LIMK1: variants seen among roughly 807,000 people sequenced by gnomAD.
LIMK1 encodes the protein LIM motif-containing protein kinase.
LIMK1 carries 21 observed loss-of-function variants against 77.6 expected under a neutral mutation model. The observed-to-expected ratio is 0.27, with a 90% CI of 0.19 to 0.39. LIMK1 has a LOEUF of 0.39. Among genes scored for constraint, LIMK1 ranks in the 10% least tolerant of loss-of-function variants. LIMK1 has a pLI of 1.00. For synonymous variants in LIMK1, 358 were observed against 370.0 expected (o/e 0.97, Z 0.37); for missense variants, 696 against 901.6 (o/e 0.77, Z 2.92).
intron 2 of LIMK1, among the ~76,000 whole-genome samples, chr7:74,087,387 G>A (rs1380369200): frequency 6.6e-6 from 1 of 152,074 alleles, no homozygotes; most frequent in Non-Finnish European, 1.5e-5. Flanking sequence ...CTGGGCAATA[G>A]AGCGAGACCC....
chr7:74,113,540 G>T (rs1478493654), intron 12 of LIMK1, among the ~76,000 whole-genome samples: 1 of 151,682 alleles, frequency 6.6e-6, no homozygotes, highest in African/African-American at 2.4e-5. Flanking sequence ...CAGGAGAATT[G>T]CTTGAACCCA....
Position 74,084,057 on chromosome 7 carries a change from G to A in LIMK1, c.55+12G>A. 1 of 1,470,638 alleles carries A rather than the reference G, an allele frequency of 6.8e-7. No homozygotes were observed. The highest frequency in any genetic ancestry group is 9.1e-7 in the Non-Finnish European group (1 of 1,098,022). 91.1% of individuals were successfully genotyped at this position (1,470,638 alleles called of 1,614,324 possible). On this transcript the variant is annotated intron_variant, in intron 1 of 15. Coordinates refer to ENST00000336180, the MANE Select transcript of LIMK1 (RefSeq NM_002314.4). ...TATGGGAGAGGAAGGTGCGCGGGCC[G>A]CGGGGTGTGGGGCGAGGGCCTGGAG...
intron 12 of LIMK1, among the ~76,000 whole-genome samples, chr7:74,112,756 C>T (rs782701040): frequency 1.3e-5 from 2 of 151,774 alleles, no homozygotes; most frequent in Non-Finnish European, 2.9e-5. Flanking sequence ...ACCCGGGAGG[C>T]GGAACTTGCA....
intron 4 of LIMK1, among the ~76,000 whole-genome samples, chr7:74,098,515 G>A (rs193115281): frequency 3.3e-5 from 5 of 152,134 alleles, no homozygotes; most frequent in Admixed American, 6.5e-5. Flanking sequence ...GGCTGGGCAC[G>A]CACAGTTCCT....
chr7:74,092,760 G>T (rs189029470), intron 2 of LIMK1, among the ~76,000 whole-genome samples: 1 of 152,154 alleles, frequency 6.6e-6, no homozygotes, highest in South Asian at 2.1e-4. Context: ...GAGCAGCGGC[G>T]GGATGCAACC....
rs570173862 is a variant in LIMK1, at chr7:74,089,877, C to T, written c.152+4033C>T. 3.9e-5 allele frequency among the ~76,000 whole-genome samples: 6 copies of T among 151,990 alleles called. No individual in the cohort carries two copies. The East Asian group carries it at 9.7e-4, about 25-fold the overall frequency. On this transcript the variant is annotated intron_variant, in intron 2 of 15. Coordinates refer to ENST00000336180, the MANE Select transcript of LIMK1 (RefSeq NM_002314.4). ...AGAACTTTGGGGACCCCTGTGTCTGCGGTGAGGGGGGAGATGGAGCCTTGG... is the reference window on the plus strand; with the variant it reads ...AGAACTTTGGGGACCCCTGTGTCTGTGGTGAGGGGGGAGATGGAGCCTTGG...
intron 9 of LIMK1, among the ~76,000 whole-genome samples, chr7:74,108,594 G>T (rs992768417): frequency 6.6e-6 from 1 of 151,144 alleles, no homozygotes; most frequent in Admixed American, 6.6e-5. Context: ...GTTGCAGTGA[G>T]CCAAGATCGT....
chr7:74,116,551 C>T (rs577015065), intron 13 of LIMK1, among the ~76,000 whole-genome samples: 2 of 152,086 alleles, frequency 1.3e-5, no homozygotes, highest in African/African-American at 2.4e-5. Flanking sequence ...CTCCGGGGCA[C>T]CTGTTTCCTG....
intron 12 of LIMK1, among the ~76,000 whole-genome samples, chr7:74,114,645 G>C (rs936923291): frequency 2.6e-5 from 4 of 151,702 alleles, no homozygotes; most frequent in African/African-American, 9.7e-5. Context: ...GCCAGGCACG[G>C]TGGCTCACGC....
intron 5 of LIMK1, among the ~76,000 whole-genome samples, chr7:74,102,009 A>T (rs1352397887): frequency 6.6e-6 from 1 of 152,148 alleles, no homozygotes; most frequent in African/African-American, 2.4e-5. Context: ...TTTTTTGTAG[A>T]GACTGAGTCT....
At chr7:74,101,087 G>A (rs1799450709) in intron 5 of LIMK1, among the ~76,000 whole-genome samples, 1 of 152,228 alleles carries the variant, frequency 6.6e-6, no homozygotes, top group African/African-American at 2.4e-5. Flanking sequence ...TTGTACACCT[G>A]GCAGGTGCCT....
intron 10 of LIMK1, chr7:74,109,843 C>CA (rs377577275): frequency 3.3e-5 from 5 of 151,088 alleles, no homozygotes; most frequent in Non-Finnish European, 4.4e-5. Context: ...GATTCCTTCT[C>CA]AAAAAAAAAG....
At position 74,115,587 on chromosome 7, in the gene LIMK1, A is replaced by T. The variant is rs1320602688; in HGVS notation, c.1411-215A>T. The stretch of plus-strand genomic sequence containing the variant: ...GGTGCAGCGTGTGGTGGGAGGGAGG[A>T]AGCCACACTGCTATCTTCAGGTGCT... On this transcript the variant is annotated intron_variant, in intron 12 of 15. Transcript: ENST00000336180. 4.5e-5 allele frequency: 24 copies of T among 534,004 alleles called. No homozygotes were observed. In the East Asian group the frequency reaches 7.1e-4, roughly 16 times the overall value. 33.1% of individuals were successfully genotyped at this position (534,004 alleles called of 1,614,324 possible).
At chr7:74,092,775 T>A (rs1482400645) in intron 2 of LIMK1, among the ~76,000 whole-genome samples, 2 of 152,196 alleles carry the variant, frequency 1.3e-5, no homozygotes, top group Non-Finnish European at 2.9e-5. Flanking sequence ...GCAACCTCCC[T>A]TTCTTCAGGG....
Position 74,111,667 on chromosome 7 carries a change from G to A in LIMK1, c.1304G>A (p.Ser435Asn), listed in dbSNP as rs1294080923. ...TCCCAGGACAGCCAGTACCCATGGA[G>A]CCAGAGAGTGAGCTTTGCCAAGGAC... ...IKSMDSQYPW[S>N]QRVSFAKDIA... The change falls in exon 11 of 16, where the codon AGC (serine) becomes AAC (asparagine). Residue 435 changes from serine to asparagine, a missense_variant. Ser to Asn is a conservative substitution (Grantham distance 46). Coordinates refer to ENST00000336180, the MANE Select transcript of LIMK1 (RefSeq NM_002314.4). 2.5e-6 allele frequency: 4 copies of A among 1,613,288 alleles called. No homozygotes were observed. Among genetic ancestry groups the A allele is most frequent in the Non-Finnish European group, 3.4e-6 (4 of 1,179,736 alleles).
chr7:74,117,666 G>A (rs1043223135), intron 13 of LIMK1, among the ~76,000 whole-genome samples: 3 of 152,106 alleles, frequency 2.0e-5, no homozygotes, highest in Non-Finnish European at 2.9e-5. Context: ...AGCCTGGCAT[G>A]TGGCGTGGTG....
At chr7:74,093,376 G>C in intron 2 of LIMK1, 5 of 1,502,068 alleles carry the variant, frequency 3.3e-6, no homozygotes, top group Non-Finnish European at 3.6e-6. Flanking sequence ...GCTGGAAGCC[G>C]ACCCACCTAG....
intron 2 of LIMK1, among the ~76,000 whole-genome samples, chr7:74,095,289 G>C (rs1799316636): frequency 6.6e-6 from 1 of 152,156 alleles, no homozygotes. Context: ...TGGCAGAGCG[G>C]GACGGACCCC....
Position 74,121,455 on chromosome 7 carries a change from T to C in LIMK1, c.*154T>C. 1.4e-6 allele frequency: 1 copy of C among 713,150 alleles called. No homozygotes were observed. Among genetic ancestry groups the C allele is most frequent in the Admixed American group, 3.0e-5 (1 of 33,226 alleles). 44.2% of individuals were successfully genotyped at this position (713,150 alleles called of 1,614,324 possible). The stretch of plus-strand genomic sequence containing the variant: ...TGCCTTCTCCCACCCCGTGGACCGC[T>C]TCCCCTGCCTTCTCTCTGCCGTGGC... On this transcript the variant is annotated 3_prime_UTR_variant, in exon 16 of 16. Coordinates refer to ENST00000336180, the MANE Select transcript of LIMK1 (RefSeq NM_002314.4).
Sources: gnomAD v4.1 joint callset for allele counts (sites outside exome capture counted in the v4.1 genomes callset) on GRCh38, gnomAD v4.1.1 for gene constraint, MANE v1.5 for transcripts, NCBI Gene and HGNC (gene_info 2026-07-23, HGNC 2026-07-21) for gene names.